The following PCDH10 variants were observed in gnomAD, a reference collection of about 807,000 sequenced individuals.
PCDH10 encodes the protein protocadherin 10.
A neutral mutation model predicts 74.4 loss-of-function variants in PCDH10; 15 were observed. The observed-to-expected ratio is 0.20, with a 90% CI of 0.13 to 0.31. PCDH10 has a LOEUF of 0.31. PCDH10 is among the 10% of genes least tolerant of loss of function. The pLI is 1.00. For synonymous variants in PCDH10, 619 were observed against 589.8 expected, an observed-to-expected ratio of 1.05 and a Z score of -0.72; for missense variants, 1,260 against 1,390.2, an observed-to-expected ratio of 0.91 and a Z score of 1.49.
At chr4:133,170,785 C>T (rs573180139) in intron 4 of PCDH10, among the ~76,000 whole-genome samples, 11 of 152,128 alleles carry the variant, frequency 7.2e-5, no homozygotes, top group South Asian at 2.1e-4. Flanking sequence ...CTCCACCTCC[C>T]GGGTTCGAGC....
chr4:133,157,886 C>T (rs1726897963), intron 3 of PCDH10, among the ~76,000 whole-genome samples: 1 of 152,240 alleles, frequency 6.6e-6, no homozygotes, highest in African/African-American at 2.4e-5. Flanking sequence ...CATAGAAGGG[C>T]TTTAAACACG....
Position 133,203,158 on chromosome 4 carries a change from G to A in PCDH10, n.438-4918G>A, listed in dbSNP as rs530093638. On this transcript the variant is annotated intron_variant and non_coding_transcript_variant, in intron 2 of 2. Coordinates refer to the PCDH10 transcript ENST00000511112. ...GGCCAAAAATTGCCACTGTAAAGAT[G>A]TATGGTGTAGGGCCAAGGAGAAGTC... 1.4e-3 allele frequency among the ~76,000 whole-genome samples: 214 copies of A among 152,216 alleles called. 1 individual carries two copies. The highest frequency in any genetic ancestry group is 4.9e-3 in the African/African-American group (205 of 41,556).
At position 133,154,335 on chromosome 4, in the gene PCDH10, A is replaced by G. The variant is rs778527294; in HGVS notation, c.2660A>G (p.Tyr887Cys). 18 of 1,607,862 alleles carry G rather than the reference A, an allele frequency of 1.1e-5. No individual in the cohort carries two copies. Among genetic ancestry groups the G allele is most frequent in the Non-Finnish European group, 1.5e-5 (18 of 1,177,566 alleles). ...ETKHQRAELSYLVDRPRRVNS... is the reference protein window; with the variant it reads ...ETKHQRAELSCLVDRPRRVNS... ...AAACACCAGCGAGCAGAGCTCAGCT[A>G]TCTAGTTGACAGACCTCGCCGAGTT... The change falls in exon 2 of 5, where the codon TAT (tyrosine) becomes TGT (cysteine). Residue 887 changes from tyrosine (Y) to cysteine (C), a missense_variant. By Grantham distance (194) the Tyr-to-Cys change is radical. This residue lies in a region of PCDH10 where 587 missense variants were observed against 616.9 expected (regional missense o/e 0.95). Transcript: ENST00000264360.
intron 4 of PCDH10, among the ~76,000 whole-genome samples, chr4:133,166,415 T>A (rs2125864731): frequency 6.6e-6 from 1 of 151,694 alleles, no homozygotes; most frequent in Non-Finnish European, 1.5e-5. Context: ...ACATTGCATT[T>A]TTATCATGAA....
In PCDH10 at chr4:133,190,116, G is replaced by A; in HGVS notation, c.3104-25G>A. ...TCCAAAAGTCAACCTCTTTTTCTTA[G>A]AGTATTTTTCTTTCTTTTTCACAGC... On this transcript the variant is annotated intron_variant, in intron 4 of 4. Transcript: ENST00000264360. 1.9e-6 allele frequency: 3 copies of A among 1,594,794 alleles called. No homozygotes were observed. In the South Asian group the frequency reaches 3.3e-5, roughly 18 times the overall value.
rs572098282 is a variant in PCDH10, at chr4:133,200,162, T to C, written n.438-7914T>C. On this transcript the variant is annotated intron_variant and non_coding_transcript_variant, in intron 2 of 2. Transcript: ENST00000511112. The stretch of plus-strand genomic sequence containing the variant: ...TGTATTCTGCTTTATTCTCTACTAA[T>C]GGTTACTAATATTATTTAAATTATA... Among the ~76,000 whole-genome samples, 5 of 152,130 alleles carry C rather than the reference T, an allele frequency of 3.3e-5. No individual in the cohort carries two copies. The South Asian group carries it at 1.0e-3, about 32-fold the overall frequency.
At chr4:133,157,172 G>T (rs1000129848) in intron 3 of PCDH10, among the ~76,000 whole-genome samples, 3 of 152,120 alleles carry the variant, frequency 2.0e-5, no homozygotes, top group Admixed American at 6.5e-5. Context: ...GCTATTTTAG[G>T]ATTGTAATAA....
Position 133,150,814 on chromosome 4 carries a change from C to G in PCDH10, c.674C>G (p.Pro225Arg), listed in dbSNP as rs766935744. The change falls in exon 1 of 5, where the codon CCC (proline) becomes CGC (arginine). Residue 225 changes from proline (P) to arginine (R), a missense_variant. Around this residue, in one of 11 missense-constraint regions of PCDH10, gnomAD observed 192 missense variants for 161.2 expected, o/e 1.19. Transcript: ENST00000264360. The part of the protein sequence containing the change: ...GGGGGGGAGL[P>R]PQQQRTGTAL... ...GGAGGTGGCGGGGGAGCAGGCCTGC[C>G]CCCCCAGCAGCAGCGCACCGGCACG... 1.3e-5 allele frequency: 21 copies of G among 1,587,218 alleles called. No homozygotes were observed. The highest frequency in any genetic ancestry group is 1.7e-5 in the Non-Finnish European group (20 of 1,168,458).
chr4:133,200,036 G>A (rs1249833028), intron 2 of PCDH10, among the ~76,000 whole-genome samples: 1 of 151,362 alleles, frequency 6.6e-6, no homozygotes, highest in Non-Finnish European at 1.5e-5. Context: ...CTGACCTCGT[G>A]ATCCACCCAC....
intron 1 of PCDH10, 79 bp from the exon 2 acceptor site, chr4:133,154,228 T>C (rs549511216): frequency 3.6e-6 from 3 of 833,440 alleles, no homozygotes; most frequent in Admixed American, 4.8e-5. Flanking sequence ...AAGCTAGATA[T>C]AGTTCCTAAC....
At position 133,163,150 on chromosome 4, in the gene PCDH10, G is replaced by C; in HGVS notation, c.2971G>C (p.Glu991Gln). 1.9e-6 allele frequency: 3 copies of C among 1,614,144 alleles called. No individual in the cohort carries two copies. The South Asian group carries it at 3.3e-5, about 18-fold the overall frequency. ...AGACACTGAGGTGTTTGAAACTCCA[G>C]AAGCCCAGCCTGGGGCAGAGCGGTC... is the stretch of plus-strand genomic sequence containing the variant. ...VPDTEVFETPEAQPGAERSFS... is the reference protein window; with the variant it reads ...VPDTEVFETPQAQPGAERSFS... Residue 991 changes from glutamate (E) to glutamine (Q), a missense_variant, in exon 4 of 5, where the codon GAA becomes CAA. Glu to Gln is a conservative substitution (Grantham distance 29, BLOSUM62 2). Transcript: ENST00000264360.
chr4:133,163,158 G>C lies in PCDH10; in HGVS notation c.2979G>C (p.Gln993His), dbSNP rs779390646. ...DTEVFETPEA[Q>H]PGAERSFSTF... ...AGGTGTTTGAAACTCCAGAAGCCCA[G>C]CCTGGGGCAGAGCGGTCCTTTTCCA... The change falls in exon 4 of 5, where the codon CAG (glutamine) becomes CAC (histidine). Residue 993 changes from glutamine to histidine, a missense_variant. Coordinates refer to ENST00000264360, the MANE Select transcript of PCDH10 (RefSeq NM_032961.3). 6.2e-7 allele frequency: 1 copy of C among 1,614,122 alleles called. No homozygotes were observed. Among genetic ancestry groups the C allele is most frequent in the South Asian group, 1.1e-5 (1 of 91,080 alleles).
At chr4:133,205,777 A>G (rs1052825681) in intron 2 of PCDH10, among the ~76,000 whole-genome samples, 1 of 151,918 alleles carries the variant, frequency 6.6e-6, no homozygotes, top group Non-Finnish European at 1.5e-5. Context: ...TATTACTACT[A>G]TTATTATTGT....
intron 3 of PCDH10, among the ~76,000 whole-genome samples, chr4:133,157,223 A>G (rs952021065): frequency 3.3e-5 from 5 of 152,218 alleles, no homozygotes; most frequent in Non-Finnish European, 7.4e-5. Flanking sequence ...TGTGTGCTGA[A>G]TTGCAATCAG....
At position 133,193,401 on chromosome 4, in the gene PCDH10, C is replaced by A. The variant is rs1414175124; in HGVS notation, c.*3241C>A. ...GTAGAATATTTAAATATTTTAATTT[C>A]TCATTGTTTTATTTGTTAATTGGAT... is the stretch of plus-strand genomic sequence containing the variant. On this transcript the variant is annotated 3_prime_UTR_variant, in exon 5 of 5. Coordinates refer to ENST00000264360, the MANE Select transcript of PCDH10 (RefSeq NM_032961.3). The A allele has an allele frequency of 1.3e-5, 2 of 151,490 alleles. No homozygotes were observed. Among genetic ancestry groups the A allele is most frequent in the Non-Finnish European group, 3.0e-5 (2 of 67,594 alleles). The allele number at this position is 151,490 out of a possible 1,614,324, so 9.4% of individuals were successfully genotyped here.
rs1727721277 is a variant in PCDH10 at position 133,193,379 on chromosome 4, G to A, written c.*3219G>A. ...ACATTGCAAATTAAGAACTATAGTA[G>A]AATATTTAAATATTTTAATTTCTCA... On this transcript the variant is annotated 3_prime_UTR_variant, in exon 5 of 5. Coordinates refer to ENST00000264360, the MANE Select transcript of PCDH10 (RefSeq NM_032961.3). 6.6e-6 allele frequency: 1 copy of A among 151,546 alleles called. No individual in the cohort carries two copies. The highest frequency in any genetic ancestry group is 1.9e-4 in the East Asian group (1 of 5,192). The allele number at this position is 151,546 out of a possible 1,614,324, so 9.4% of individuals were successfully genotyped here.
intron 4 of PCDH10, among the ~76,000 whole-genome samples, chr4:133,168,975 C>T (rs1052031710): frequency 1.3e-5 from 2 of 151,548 alleles, no homozygotes; most frequent in Non-Finnish European, 3.0e-5. Context: ...TGAAATGCAC[C>T]CAACTAGGGC....
At chr4:133,199,609 T>G (rs2125877047), downstream of PCDH10, among the ~76,000 whole-genome samples, 1 of 150,770 alleles carries the variant, frequency 6.6e-6, no homozygotes, top group South Asian at 2.1e-4. Flanking sequence ...ATGCTGCCAT[T>G]AAACAAGTTA....
downstream of PCDH10, among the ~76,000 whole-genome samples, chr4:133,196,389 A>T (rs1727795310): frequency 1.3e-5 from 2 of 152,168 alleles, no homozygotes; most frequent in African/African-American, 4.8e-5. Flanking sequence ...TTGCACTGTT[A>T]GTTCCTGGCT....
Sources: gnomAD v4.1 joint callset for allele counts (sites outside exome capture counted in the v4.1 genomes callset) on GRCh38, gnomAD v4.1.1 for gene constraint, gnomAD v4.1.1 regional missense constraint, MANE v1.5 for transcripts, NCBI Gene and HGNC (gene_info 2026-07-23, HGNC 2026-07-21) for gene names.